DBT: variants seen among roughly 807,000 people sequenced by gnomAD.
DBT encodes the protein dihydrolipoamide branched chain transacylase E2, also known as lipoamide acyltransferase component of branched-chain alpha-keto acid dehydrogenase complex, mitochondrial.
Under a neutral mutation model 51.3 loss-of-function variants are expected in DBT, and 40 were observed. That is an observed-to-expected ratio of 0.78 (90% confidence interval 0.61 to 1.02). The LOEUF (loss-of-function observed/expected upper bound fraction) is 1.02, where lower values mean the gene tolerates loss of function less well. Ranked by LOEUF, DBT falls within the 50% of genes least tolerant of loss-of-function variation. The pLI, the probability that DBT is intolerant of heterozygous loss-of-function variation, is 0.00. For synonymous variants in DBT, 181 were observed against 190.4 expected (o/e 0.95, Z 0.41); for missense variants, 510 against 580.2 (o/e 0.88, Z 1.24).
Position 100,230,756 on chromosome 1 carries a change from T to G in DBT, c.410A>C (p.Asp137Ala). 6.2e-7 allele frequency: 1 copy of G among 1,610,206 alleles called. No homozygotes were observed. The highest frequency in any genetic ancestry group is 8.5e-7 in the Non-Finnish European group (1 of 1,177,492). The change falls in exon 4 of 11, where the codon GAC (aspartate) becomes GCC (alanine). Residue 137 changes from aspartate (D) to alanine (A), a missense_variant. Coordinates refer to ENST00000370132, the MANE Select transcript of DBT (RefSeq NM_001918.5). ...ACCTTTTAAAGCTTCCGTTTCTATG[T>G]CTACTAATGGCTTCCCCACATAGGC... ...DIAYVGKPLV[D>A]IETEALKDSE...
rs780500458 is a variant in DBT, at chr1:100,189,248, G to A, written c.*7007C>T. 7 of 151,680 alleles carry A rather than the reference G, an allele frequency of 4.6e-5. No homozygotes were observed. The highest frequency in any genetic ancestry group is 1.0e-4 in the Non-Finnish European group (7 of 68,018). 9.4% of individuals were successfully genotyped at this position (151,680 alleles called of 1,614,324 possible). On this transcript the variant is annotated 3_prime_UTR_variant, in exon 11 of 11. Transcript: ENST00000370132. ...CTCAGCTACTTGGGAGTTGAGGAAT[G>A]AGCACTGTTTGAACCCAGGAGACGG...
At chr1:100,246,045 C>T (rs1291943660) in intron 1 of DBT, among the ~76,000 whole-genome samples, 2 of 152,038 alleles carry the variant, frequency 1.3e-5, no homozygotes, top group East Asian at 3.9e-4. Flanking sequence ...AGGTGGATCA[C>T]GAGGTCAAGA....
intron 1 of DBT, among the ~76,000 whole-genome samples, chr1:100,246,398 A>G (rs6700203): frequency 6.6e-6 from 1 of 152,250 alleles, no homozygotes; most frequent in Admixed American, 6.5e-5. Context: ...GAGCACTCCT[A>G]AAGTCAGACA....
chr1:100,218,236 C>T (rs1456520259), intron 5 of DBT, among the ~76,000 whole-genome samples: 1 of 152,122 alleles, frequency 6.6e-6, no homozygotes, highest in African/African-American at 2.4e-5. Flanking sequence ...CATGTCTGGC[C>T]AATTTCCCTT....
intron 2 of DBT, among the ~76,000 whole-genome samples, chr1:100,240,329 T>TA (rs1664136084): frequency 2.0e-5 from 3 of 152,152 alleles, no homozygotes; most frequent in African/African-American, 7.2e-5. Flanking sequence ...ATGAGCCAGA[T>TA]GATAAATAGA....
At chr1:100,232,371 C>T (rs551577380) in intron 3 of DBT, among the ~76,000 whole-genome samples, 1 of 151,918 alleles carries the variant, frequency 6.6e-6, no homozygotes, top group East Asian at 1.9e-4. Flanking sequence ...AACTCCTGGC[C>T]TCAAGCAGTC....
At chr1:100,222,235 C>T (rs946498919) in intron 4 of DBT, among the ~76,000 whole-genome samples, 1 of 152,166 alleles carries the variant, frequency 6.6e-6, no homozygotes, top group Non-Finnish European at 1.5e-5. Context: ...TTAGATGGTA[C>T]ACTACATTAT....
chr1:100,222,289 T>A (rs1461074738), intron 4 of DBT, among the ~76,000 whole-genome samples: 1 of 152,262 alleles, frequency 6.6e-6, no homozygotes, highest in Non-Finnish European at 1.5e-5. Context: ...AAACATTTTA[T>A]ACTAATCCTG....
At chr1:100,228,195 C>A (rs139315835) in intron 4 of DBT, among the ~76,000 whole-genome samples, 1 of 152,196 alleles carries the variant, frequency 6.6e-6, no homozygotes, top group East Asian at 1.9e-4. Context: ...GGAAATATAA[C>A]GACTAGAGGA....
chr1:100,239,104 TCCCAAGCA>T (rs776655393), intron 2 of DBT, among the ~76,000 whole-genome samples: 4 of 152,210 alleles, frequency 2.6e-5, no homozygotes, highest in Non-Finnish European at 4.4e-5. Flanking sequence ...TACTGATATA[TCCCAAGCA>T]CCTAGAGCAG....
intron 2 of DBT, among the ~76,000 whole-genome samples, chr1:100,238,781 A>C (rs1664049067): frequency 6.6e-6 from 1 of 152,150 alleles, no homozygotes; most frequent in African/African-American, 2.4e-5. Context: ...TAGAAGACTG[A>C]GTTTTGGGGA....
At chr1:100,221,306 T>C (rs935118078) in intron 4 of DBT, among the ~76,000 whole-genome samples, 3 of 152,194 alleles carry the variant, frequency 2.0e-5, no homozygotes, top group Admixed American at 1.3e-4. Context: ...ACCACCTTAC[T>C]ACACAGCAGA....
chr1:100,202,797 A>G (rs901371243), intron 10 of DBT, among the ~76,000 whole-genome samples: 1 of 152,212 alleles, frequency 6.6e-6, no homozygotes, highest in Non-Finnish European at 1.5e-5. Context: ...ACACAACTAC[A>G]TGGAAACTAA....
At position 100,249,779 on chromosome 1, in the gene DBT, C is replaced by A. The variant is rs758610837; in HGVS notation, c.42G>T (p.Ala14=). ...GCCCAAACGTGCTTACCAGCTTCCC[C>A]GCATTCCTGCTCCAGGTTCTCAGCA... ...VRMLRTWSRN[A]GKLICVRYFQ... The change falls in exon 1 of 11, where the codon GCG becomes GCT. Residue 14 remains alanine (A), a synonymous_variant. Transcript: ENST00000370132. 4 of 1,614,196 alleles carry A rather than the reference C, an allele frequency of 2.5e-6. No homozygotes were observed. The highest frequency in any genetic ancestry group is 1.6e-4 in the Middle Eastern group (1 of 6,062).
intron 7 of DBT, among the ~76,000 whole-genome samples, chr1:100,213,980 G>A (rs911575115): frequency 6.8e-6 from 1 of 147,648 alleles, no homozygotes; most frequent in Admixed American, 6.7e-5. Flanking sequence ...GAGAGATAAT[G>A]TATACAGCAT....
chr1:100,236,924 G>A (rs183906037), intron 2 of DBT, among the ~76,000 whole-genome samples: 1 of 152,334 alleles, frequency 6.6e-6, no homozygotes, highest in East Asian at 1.9e-4. Flanking sequence ...AAGACTTTGT[G>A]TACCATGCTA....
intron 5 of DBT, 129 bp downstream of exon 5, chr1:100,218,497 A>G (rs1662628150): frequency 9.6e-7 from 1 of 1,039,928 alleles, no homozygotes; most frequent in Non-Finnish European, 1.5e-6. Context: ...ATTGCTTTTC[A>G]GTAGCAAATA....
intron 8 of DBT, among the ~76,000 whole-genome samples, chr1:100,207,896 G>A (rs796430000): frequency 2.0e-5 from 3 of 152,208 alleles, no homozygotes; most frequent in African/African-American, 4.8e-5. Context: ...ACTTTGGGAG[G>A]CCGAGGCGGG....
intron 2 of DBT, among the ~76,000 whole-genome samples, chr1:100,236,346 G>A (rs1195593282): frequency 2.6e-5 from 4 of 152,164 alleles, no homozygotes; most frequent in Admixed American, 6.5e-5. Flanking sequence ...TTGAAAGCAC[G>A]TATGGACCCT....
Sources: allele counts gnomAD v4.1 joint callset (sites outside exome capture counted in the v4.1 genomes callset), GRCh38; gene constraint gnomAD v4.1.1; transcripts MANE v1.5; gene names NCBI Gene and HGNC (gene_info 2026-07-23, HGNC 2026-07-21).